Variants in OR5H1 observed in about 807,000 individuals in gnomAD.
OR5H1 encodes olfactory receptor 5H1.
For synonymous variants in OR5H1, 124 were observed against 134.4 expected, an observed-to-expected ratio of 0.92 and a Z score of 0.54; for missense variants, 378 against 366.8, an observed-to-expected ratio of 1.03 and a Z score of -0.25.
chr3:98,133,778 T>C lies in OR5H1; in HGVS notation c.*139T>C, dbSNP rs1478576701. On this transcript the variant is annotated 3_prime_UTR_variant, in exon 2 of 2. Transcript: ENST00000641874. ...GCTAATGTTTTAGTACCTAATAAAC[T>C]AATCGCAATATGTCTATATGTTATT... 6.1e-6 allele frequency: 4 copies of C among 652,904 alleles called. No individual in the cohort carries two copies. The highest frequency in any genetic ancestry group is 2.8e-5 in the Admixed American group (1 of 36,306). The allele number at this position is 652,904 out of a possible 1,614,324, so 40.4% of individuals were successfully genotyped here.
In OR5H1 at chr3:98,132,663, G is replaced by C. The variant is rs368442037; in HGVS notation, c.-18-17G>C. 4 of 1,604,390 alleles carry C rather than the reference G, an allele frequency of 2.5e-6. No individual in the cohort carries two copies. The highest frequency in any genetic ancestry group is 3.4e-6 in the Non-Finnish European group (4 of 1,174,334). ...CCATTGCAAATGTTCCCTTTCATTT[G>C]TTGCATTTTATTTTAGAGGGCATGC... On this transcript the variant is annotated splice_polypyrimidine_tract_variant and intron_variant, in intron 1 of 1. Coordinates refer to ENST00000641874, the MANE Select transcript of OR5H1 (RefSeq NM_001005338.2).
At position 98,133,373 on chromosome 3, in the gene OR5H1, T is replaced by C; in HGVS notation, c.676T>C (p.Leu226=). 6.2e-7 allele frequency: 1 copy of C among 1,613,302 alleles called. No homozygotes were observed. Among genetic ancestry groups the C allele is most frequent in the Non-Finnish European group, 8.5e-7 (1 of 1,179,632 alleles). ...VSYTFVLFAI[L]KKKSDKGVRK... is the part of the protein sequence containing the mutation. ...TTATACATTTGTTCTCTTCGCAATC[T>C]TAAAAAAGAAATCTGATAAAGGTGT... is the stretch of plus-strand genomic sequence containing the variant. Residue 226 remains leucine (L), a synonymous_variant, in exon 2 of 2, where the codon TTA becomes CTA. Coordinates refer to ENST00000641874, the MANE Select transcript of OR5H1 (RefSeq NM_001005338.2).
In OR5H1 at chr3:98,137,341, T is replaced by C. The variant is rs189330805; in HGVS notation, c.*3702T>C. The C allele has an allele frequency of 1.3e-5, 2 of 152,334 alleles. No homozygotes were observed. The highest frequency in any genetic ancestry group is 4.8e-5 in the African/African-American group (2 of 41,586). The allele number at this position is 152,334 out of a possible 1,614,324, so 9.4% of individuals were successfully genotyped here. A position where few individuals can be genotyped will look rare whatever the true frequency, so the allele number is the denominator to read the frequency against. On this transcript the variant is annotated 3_prime_UTR_variant, in exon 2 of 2. Transcript: ENST00000641874. ...CAGAAATCTTTACTTGTCAGAGCCT[T>C]TTCCGCAAATCTGTTGAGATTAGAC...
chr3:98,134,090 A>G lies in OR5H1; in HGVS notation c.*451A>G, dbSNP rs539723889. On this transcript the variant is annotated 3_prime_UTR_variant, in exon 2 of 2. Coordinates refer to ENST00000641874, the MANE Select transcript of OR5H1 (RefSeq NM_001005338.2). The stretch of plus-strand genomic sequence containing the variant: ...GCTAACCATCAAGGTCTTCCATTTC[A>G]TTATATTAGGAAAGGGTGAATTCTG... 9.5e-5 allele frequency: 15 copies of G among 158,604 alleles called. No individual in the cohort carries two copies. In the South Asian group the frequency reaches 2.5e-3, roughly 27 times the overall value. 9.8% of individuals were successfully genotyped at this position (158,604 alleles called of 1,614,324 possible). A position where few individuals can be genotyped will look rare whatever the true frequency, so the allele number is the denominator to read the frequency against.
rs1325761519 is a variant in OR5H1 at position 98,133,107 on chromosome 3, C to A, written c.410C>A (p.Thr137Asn). The change falls in exon 2 of 2, where the codon ACC becomes AAC. Residue 137 changes from threonine (T) to asparagine (N), a missense_variant. Coordinates refer to ENST00000641874, the MANE Select transcript of OR5H1 (RefSeq NM_001005338.2). The stretch of plus-strand genomic sequence containing the variant: ...CCTTTACTTTATCCAGCCATTATGA[C>A]CAATGGACTGTGCATCCGGCTATTA... ...CKPLLYPAIM[T>N]NGLCIRLLIL... 4 of 1,613,510 alleles carry A rather than the reference C, an allele frequency of 2.5e-6. No homozygotes were observed. The highest frequency in any genetic ancestry group is 1.1e-5 in the South Asian group (1 of 91,060).
In OR5H1 at chr3:98,135,311, A is replaced by G. The variant is rs1708305651; in HGVS notation, c.*1672A>G. On this transcript the variant is annotated 3_prime_UTR_variant, in exon 2 of 2. Coordinates refer to ENST00000641874, the MANE Select transcript of OR5H1 (RefSeq NM_001005338.2). ...AATTAGCTGGGGTTTTTGGTTGGTTAAAGTTAACTTTTGTTTTACCATTTA... is the reference window on the plus strand; with the variant it reads ...AATTAGCTGGGGTTTTTGGTTGGTTGAAGTTAACTTTTGTTTTACCATTTA... The G allele has an allele frequency of 6.6e-6, 1 of 152,178 alleles. No homozygotes were observed. Among genetic ancestry groups the G allele is most frequent in the Non-Finnish European group, 1.5e-5 (1 of 68,022 alleles). 9.4% of individuals were successfully genotyped at this position (152,178 alleles called of 1,614,324 possible). A position where few individuals can be genotyped will look rare whatever the true frequency, so the allele number is the denominator to read the frequency against.
rs1233336760 is a variant in OR5H1 at position 98,135,437 on chromosome 3, G to A, written c.*1798G>A. 1 of 152,150 alleles carries A rather than the reference G, an allele frequency of 6.6e-6. No homozygotes were observed. The highest frequency in any genetic ancestry group is 2.4e-5 in the African/African-American group (1 of 41,436). The allele number at this position is 152,150 out of a possible 1,614,324, so 9.4% of individuals were successfully genotyped here. A position where few individuals can be genotyped will look rare whatever the true frequency, so the allele number is the denominator to read the frequency against. On this transcript the variant is annotated 3_prime_UTR_variant, in exon 2 of 2. Transcript: ENST00000641874. ...TAATTATTTTAACTCATTATGGTCA[G>A]CCTCTCATTATGGGATATTGACTAA...
In OR5H1 at chr3:98,133,128, T is replaced by C. The variant is rs1206001704; in HGVS notation, c.431T>C (p.Leu144Pro). Residue 144 changes from leucine to proline, a missense_variant, in exon 2 of 2, where the codon CTA becomes CCA. Transcript: ENST00000641874. Reference sequence around the variant, plus strand: ...ATGACCAATGGACTGTGCATCCGGCTATTAATCTTGTCATATGTAGGTGGT... The same window carrying C: ...ATGACCAATGGACTGTGCATCCGGCCATTAATCTTGTCATATGTAGGTGGT... The part of the protein sequence containing the change: ...AIMTNGLCIR[L>P]LILSYVGGIL... 1.9e-6 allele frequency: 3 copies of C among 1,613,390 alleles called. No individual in the cohort carries two copies. The highest frequency in any genetic ancestry group is 1.1e-5 in the South Asian group (1 of 91,068).
chr3:98,133,227 T>C lies in OR5H1; in HGVS notation c.530T>C (p.Ile177Thr), dbSNP rs1398265858. 1.2e-6 allele frequency: 2 copies of C among 1,612,752 alleles called. No homozygotes were observed. Among genetic ancestry groups the C allele is most frequent in the South Asian group, 2.2e-5 (2 of 91,040 alleles). ...TFCNSNIVHH[I>T]YCDTIPLSKI... Reference sequence around the variant, plus strand: ...TGTAACTCCAACATAGTACATCACATTTACTGTGACACTATCCCATTGTCT... The same window carrying C: ...TGTAACTCCAACATAGTACATCACACTTACTGTGACACTATCCCATTGTCT... The change falls in exon 2 of 2, where the codon ATT becomes ACT. Residue 177 changes from isoleucine (I) to threonine (T), a missense_variant. Physicochemically the swap from Ile to Thr is moderately conservative, Grantham distance 89 (BLOSUM62 -1). Transcript: ENST00000641874.
In OR5H1 at chr3:98,130,822, G is replaced by A. The variant is rs552008098; in HGVS notation, c.-47G>A. On this transcript the variant is annotated 5_prime_UTR_variant, in exon 1 of 2. Coordinates refer to ENST00000641874, the MANE Select transcript of OR5H1 (RefSeq NM_001005338.2). ...GTTTAGAAAGCACAACGTGTTTAAA[G>A]GATATCCACAATTTCCTTCAATATA... The A allele has an allele frequency of 6.6e-6, 1 of 152,196 alleles. No homozygotes were observed. The highest frequency in any genetic ancestry group is 6.5e-5 in the Admixed American group (1 of 15,272). The allele number at this position is 152,196 out of a possible 1,614,324, so 9.4% of individuals were successfully genotyped here. A position where few individuals can be genotyped will look rare whatever the true frequency, so the allele number is the denominator to read the frequency against.
chr3:98,135,148 G>A lies in OR5H1; in HGVS notation c.*1509G>A, dbSNP rs763661940. 5 of 152,146 alleles carry A rather than the reference G, an allele frequency of 3.3e-5. No homozygotes were observed. The highest frequency in any genetic ancestry group is 4.8e-5 in the African/African-American group (2 of 41,442). 9.4% of individuals were successfully genotyped at this position (152,146 alleles called of 1,614,324 possible). On this transcript the variant is annotated 3_prime_UTR_variant, in exon 2 of 2. Transcript: ENST00000641874. Reference sequence around the variant, plus strand: ...AACACCAGATTGCATGTGGTATGGGGATTTCCTGAAGGTGCAAGAGAGGAG... The same window carrying A: ...AACACCAGATTGCATGTGGTATGGGAATTTCCTGAAGGTGCAAGAGAGGAG...
chr3:98,133,313 A>G lies in OR5H1; in HGVS notation c.616A>G (p.Ile206Val). ...FLMVFIFSGS[I>V]QVFSIVTILV... ...AATGGTTTTTATTTTCTCAGGTTCAATTCAGGTATTCAGCATTGTGACTAT... is the reference window on the plus strand; with the variant it reads ...AATGGTTTTTATTTTCTCAGGTTCAGTTCAGGTATTCAGCATTGTGACTAT... Residue 206 changes from isoleucine (I) to valine (V), a missense_variant, in exon 2 of 2, where the codon ATT (isoleucine) becomes GTT (valine). Ile to Val is a conservative substitution (Grantham distance 29, BLOSUM62 3). Transcript: ENST00000641874. 2 of 1,613,048 alleles carry G rather than the reference A, an allele frequency of 1.2e-6. No homozygotes were observed. Among genetic ancestry groups the G allele is most frequent in the South Asian group, 1.1e-5 (1 of 91,034 alleles).
chr3:98,138,042 C>A lies in OR5H1; in HGVS notation c.*4403C>A, dbSNP rs1217269170. ...AGCCGTGGGCAAAACCCCTCAGACACCGAGATAGTGAAGGGAGTGGCTTTA... is the reference window on the plus strand; with the variant it reads ...AGCCGTGGGCAAAACCCCTCAGACAACGAGATAGTGAAGGGAGTGGCTTTA... On this transcript the variant is annotated 3_prime_UTR_variant, in exon 2 of 2. Transcript: ENST00000641874. 1.3e-5 allele frequency: 2 copies of A among 152,036 alleles called. No individual in the cohort carries two copies. Among genetic ancestry groups the A allele is most frequent in the Non-Finnish European group, 1.5e-5 (1 of 68,018 alleles). The allele number at this position is 152,036 out of a possible 1,614,324, so 9.4% of individuals were successfully genotyped here. A position where few individuals can be genotyped will look rare whatever the true frequency, so the allele number is the denominator to read the frequency against.
At position 98,132,976 on chromosome 3, in the gene OR5H1, T is replaced by C. The variant is rs375666707; in HGVS notation, c.279T>C (p.Ser93=). ...TCTTAGCTAAGAGTAAGATGATATC[T>C]CTCTCTGAATGCAAGATACAGTTTT... ...NNFLAKSKMI[S]LSECKIQFFS... The change falls in exon 2 of 2, where the codon TCT becomes TCC. Residue 93 remains serine, a synonymous_variant. Coordinates refer to ENST00000641874, the MANE Select transcript of OR5H1 (RefSeq NM_001005338.2). 1.9e-6 allele frequency: 3 copies of C among 1,613,494 alleles called. No homozygotes were observed. Among genetic ancestry groups the C allele is most frequent in the Non-Finnish European group, 2.5e-6 (3 of 1,179,664 alleles).
intron 1 of OR5H1, 106 bp downstream of exon 1, chr3:98,130,956 G>A (rs1708249439): frequency 6.6e-6 from 1 of 151,994 alleles, no homozygotes; most frequent in Non-Finnish European, 1.5e-5. Flanking sequence ...TGTCATAATA[G>A]AAAGTCAGAA....
In OR5H1 at chr3:98,135,636, A is replaced by T. The variant is rs1245551529; in HGVS notation, c.*1997A>T. 6.6e-6 allele frequency: 1 copy of T among 152,196 alleles called. No individual in the cohort carries two copies. The highest frequency in any genetic ancestry group is 2.4e-5 in the African/African-American group (1 of 41,468). The allele number at this position is 152,196 out of a possible 1,614,324, so 9.4% of individuals were successfully genotyped here. A position where few individuals can be genotyped will look rare whatever the true frequency, so the allele number is the denominator to read the frequency against. The stretch of plus-strand genomic sequence containing the variant: ...ATCTGGCACAGTGTAGTGGCTACAA[A>T]CTTGTATTTAAAACTCTTGAGAGAA... On this transcript the variant is annotated 3_prime_UTR_variant, in exon 2 of 2. Coordinates refer to ENST00000641874, the MANE Select transcript of OR5H1 (RefSeq NM_001005338.2).
rs1708335946 is a variant in OR5H1, at chr3:98,137,722, A to T, written c.*4083A>T. 6.6e-6 allele frequency: 1 copy of T among 152,226 alleles called. No homozygotes were observed. The highest frequency in any genetic ancestry group is 1.5e-5 in the Non-Finnish European group (1 of 68,038). The allele number at this position is 152,226 out of a possible 1,614,324, so 9.4% of individuals were successfully genotyped here. A position where few individuals can be genotyped will look rare whatever the true frequency, so the allele number is the denominator to read the frequency against. ...TTTAAAAAAATGTTGTTTGGAAATAATCCAGATATTCAATGACTATTGATA... is the reference window on the plus strand; with the variant it reads ...TTTAAAAAAATGTTGTTTGGAAATATTCCAGATATTCAATGACTATTGATA... On this transcript the variant is annotated 3_prime_UTR_variant, in exon 2 of 2. Coordinates refer to ENST00000641874, the MANE Select transcript of OR5H1 (RefSeq NM_001005338.2).
At position 98,133,806 on chromosome 3, in the gene OR5H1, A is replaced by G; in HGVS notation, c.*167A>G. On this transcript the variant is annotated 3_prime_UTR_variant, in exon 2 of 2. Coordinates refer to ENST00000641874, the MANE Select transcript of OR5H1 (RefSeq NM_001005338.2). ...TCGCAATATGTCTATATGTTATTCA[A>G]AAGCATTCAAGAAATTTTCATACTG... 1.7e-6 allele frequency: 1 copy of G among 574,562 alleles called. No homozygotes were observed. Among genetic ancestry groups the G allele is most frequent in the South Asian group, 2.2e-5 (1 of 45,426 alleles). The allele number at this position is 574,562 out of a possible 1,614,324, so 35.6% of individuals were successfully genotyped here.
rs1382073940 is a variant in OR5H1 at position 98,133,096 on chromosome 3, A to G, written c.399A>G (p.Pro133=). 1.2e-6 allele frequency: 2 copies of G among 1,613,640 alleles called. No homozygotes were observed. The highest frequency in any genetic ancestry group is 1.7e-6 in the Non-Finnish European group (2 of 1,179,708). ...YVAICKPLLY[P]AIMTNGLCIR... is the part of the protein sequence containing the mutation. ...CCATATGCAAACCTTTACTTTATCCAGCCATTATGACCAATGGACTGTGCA... is the reference window on the plus strand; with the variant it reads ...CCATATGCAAACCTTTACTTTATCCGGCCATTATGACCAATGGACTGTGCA... Residue 133 remains proline, a synonymous_variant, in exon 2 of 2, where the codon CCA becomes CCG. Transcript: ENST00000641874.
Sources: allele counts gnomAD v4.1 joint callset, GRCh38; gene constraint gnomAD v4.1.1; transcripts MANE v1.5; gene names NCBI Gene and HGNC (gene_info 2026-07-23, HGNC 2026-07-21).